Variants in STK38L observed in about 807,000 individuals in gnomAD.
STK38L encodes serine/threonine kinase 38 like.
A neutral mutation model predicts 59.7 loss-of-function variants in STK38L; 28 were observed. The observed-to-expected ratio is 0.47, with a 90% CI of 0.35 to 0.64. The LOEUF is 0.64. STK38L is among the 30% of genes least tolerant of loss of function. STK38L has a pLI of 0.01. For synonymous variants in STK38L, 162 were observed against 176.8 expected (o/e 0.92, Z 0.66); for missense variants, 314 against 555.8 (o/e 0.56, Z 4.37).
At chr12:27,249,424 G>T (rs146398386) in intron 1 of STK38L, among the ~76,000 whole-genome samples, 6 of 152,222 alleles carry the variant, frequency 3.9e-5, no homozygotes, top group Non-Finnish European at 7.4e-5. Flanking sequence ...TGCAACCCCC[G>T]CCTCCTGGGT....
At chr12:27,273,341 A>G (rs990272009) in intron 1 of STK38L, among the ~76,000 whole-genome samples, 18 of 152,134 alleles carry the variant, frequency 1.2e-4, no homozygotes, top group Non-Finnish European at 2.2e-4. Context: ...CCACCTACGC[A>G]TGGCTTGGGA....
chr12:27,255,277 G>C (rs1943068394), intron 1 of STK38L, among the ~76,000 whole-genome samples: 1 of 152,148 alleles, frequency 6.6e-6, no homozygotes, highest in Non-Finnish European at 1.5e-5. Flanking sequence ...TGGACCCACA[G>C]AAGGAAAAAT....
At chr12:27,263,836 G>T (rs1039658972) in intron 1 of STK38L, among the ~76,000 whole-genome samples, 1 of 152,206 alleles carries the variant, frequency 6.6e-6, no homozygotes, top group Non-Finnish European at 1.5e-5. Context: ...ATCTGTCTAC[G>T]TGAGAGTGCC....
At chr12:27,250,634 G>A (rs983411949) in intron 1 of STK38L, among the ~76,000 whole-genome samples, 3 of 152,036 alleles carry the variant, frequency 2.0e-5, no homozygotes, top group African/African-American at 4.8e-5. Context: ...TACAAATGAG[G>A]AAATTGGAGC....
In STK38L at chr12:27,308,107, T is replaced by TAC. The variant is rs1373552353; in HGVS notation, c.187-231_187-230insCA. Among the ~76,000 whole-genome samples, 1 of 151,586 alleles carries TAC rather than the reference T, an allele frequency of 6.6e-6. No homozygotes were observed. Among genetic ancestry groups the TAC allele is most frequent in the African/African-American group, 2.4e-5 (1 of 41,294 alleles). On this transcript the variant is annotated intron_variant, in intron 3 of 13. Coordinates refer to ENST00000389032, the MANE Select transcript of STK38L (RefSeq NM_015000.4). The surrounding 1 kb of genome is among the most constrained non-coding windows in gnomAD (Gnocchi z 4.5). ...AGAATAAGTTATACATATATATATA[T>TAC]ATAGACAAATATGATGGACTGAATT...
At chr12:27,296,270 T>C (rs1402108128) in intron 1 of STK38L, among the ~76,000 whole-genome samples, 2 of 152,216 alleles carry the variant, frequency 1.3e-5, no homozygotes, top group Non-Finnish European at 2.9e-5. Context: ...CAGTAGGCAA[T>C]GAGGAACCAT....
In STK38L at chr12:27,308,315, G is replaced by T; in HGVS notation, c.187-24G>T. ...AAACAACCTAATTATAAAATCATCCGTTTAAATTGTTTTTTTTTAATAGAA... is the reference window on the plus strand; with the variant it reads ...AAACAACCTAATTATAAAATCATCCTTTTAAATTGTTTTTTTTTAATAGAA... On this transcript the variant is annotated intron_variant, in intron 3 of 13. Coordinates refer to ENST00000389032, the MANE Select transcript of STK38L (RefSeq NM_015000.4). The surrounding 1 kb of genome is among the most constrained non-coding windows in gnomAD (Gnocchi z 4.5). 2 of 1,504,868 alleles carry T rather than the reference G, an allele frequency of 1.3e-6. No homozygotes were observed. Among genetic ancestry groups the T allele is most frequent in the African/African-American group, 1.4e-5 (1 of 70,558 alleles). 93.2% of individuals were successfully genotyped at this position (1,504,868 alleles called of 1,614,324 possible).
intron 1 of STK38L, among the ~76,000 whole-genome samples, chr12:27,251,462 T>C (rs1177207815): frequency 6.6e-6 from 1 of 152,226 alleles, no homozygotes; most frequent in Non-Finnish European, 1.5e-5. Flanking sequence ...AAGTGACTTG[T>C]CTGAGATCTC....
At chr12:27,266,110 G>T (rs1472345753) in intron 1 of STK38L, among the ~76,000 whole-genome samples, 2 of 152,154 alleles carry the variant, frequency 1.3e-5, no homozygotes, top group East Asian at 3.8e-4. Flanking sequence ...AAGACACAAA[G>T]GCATTGTGTC....
intron 1 of STK38L, among the ~76,000 whole-genome samples, chr12:27,252,970 C>G (rs1470247385): frequency 6.6e-6 from 1 of 152,164 alleles, no homozygotes; most frequent in Non-Finnish European, 1.5e-5. Context: ...GTACAAATGA[C>G]TGTAATTCAA....
intron 1 of STK38L, among the ~76,000 whole-genome samples, chr12:27,293,348 T>C (rs1048729554): frequency 2.0e-5 from 3 of 152,244 alleles, no homozygotes; most frequent in Non-Finnish European, 4.4e-5. Context: ...CTAGGCAAGA[T>C]AGCCATCAGC....
At chr12:27,244,550 C>T (rs1248602636) in intron 1 of STK38L, among the ~76,000 whole-genome samples, 1 of 152,194 alleles carries the variant, frequency 6.6e-6, no homozygotes, top group Non-Finnish European at 1.5e-5. Context: ...AGAGAGGGAG[C>T]CTCGCACCCG....
At chr12:27,312,774 G>A in intron 6 of STK38L, 102 bp downstream of exon 6, 1 of 1,376,758 alleles carries the variant, frequency 7.3e-7, no homozygotes, top group South Asian at 1.4e-5. Context: ...TTTGCTCTGA[G>A]GCTTTACATA....
At chr12:27,269,298 T>G (rs1057079896) in intron 1 of STK38L, among the ~76,000 whole-genome samples, 2 of 152,220 alleles carry the variant, frequency 1.3e-5, no homozygotes, top group African/African-American at 4.8e-5. Flanking sequence ...AATTTTTGTA[T>G]AAGGTGTAAG....
At chr12:27,299,736 A>G (rs753995066) in intron 2 of STK38L, among the ~76,000 whole-genome samples, 1 of 152,092 alleles carries the variant, frequency 6.6e-6, no homozygotes, top group Non-Finnish European at 1.5e-5. Context: ...TAACCATAAA[A>G]TGATAAAAAT....
intron 1 of STK38L, among the ~76,000 whole-genome samples, chr12:27,289,334 T>C (rs1172662347): frequency 6.6e-6 from 1 of 152,178 alleles, no homozygotes; most frequent in African/African-American, 2.4e-5. Flanking sequence ...TATAAACACT[T>C]TCCCCTTCTC....
intron 3 of STK38L, among the ~76,000 whole-genome samples, chr12:27,306,041 A>G (rs1944302552): frequency 1.3e-5 from 2 of 152,290 alleles, no homozygotes; most frequent in South Asian, 4.1e-4. Context: ...TTCTAAGACT[A>G]AAATCATGGA....
intron 1 of STK38L, among the ~76,000 whole-genome samples, chr12:27,277,725 T>C (rs1943568418): frequency 6.6e-6 from 1 of 152,188 alleles, no homozygotes; most frequent in Admixed American, 6.5e-5. Flanking sequence ...TTTCCAGCTA[T>C]TTGAGCAGTA....
chr12:27,325,954 A>T lies in STK38L; in HGVS notation c.*3499A>T, dbSNP rs1944826412. ...TAAGATAAGAATAAAAACTATGTTT[A>T]CAAAATTTCTGTTGATGAAGTTTTT... On this transcript the variant is annotated 3_prime_UTR_variant, in exon 14 of 14. Transcript: ENST00000389032. 1 of 152,232 alleles carries T rather than the reference A, an allele frequency of 6.6e-6. No homozygotes were observed. The highest frequency in any genetic ancestry group is 6.5e-5 in the Admixed American group (1 of 15,288). The allele number at this position is 152,232 out of a possible 1,614,324, so 9.4% of individuals were successfully genotyped here.
Sources: gnomAD v4.1 joint callset for allele counts (sites outside exome capture counted in the v4.1 genomes callset) on GRCh38, gnomAD v4.1.1 for gene constraint, Gnocchi (gnomAD v3.1) non-coding constraint, MANE v1.5 for transcripts, NCBI Gene and HGNC (gene_info 2026-07-23, HGNC 2026-07-21) for gene names.